The following WSCD2 variants were observed in gnomAD, a reference collection of about 807,000 sequenced individuals.
WSCD2 encodes sialate:O-sulfotransferase 2.
Under a neutral mutation model 55.7 loss-of-function variants are expected in WSCD2, and 28 were observed. That is an observed-to-expected ratio of 0.50 (90% CI 0.37 to 0.69). The LOEUF (loss-of-function observed/expected upper bound fraction) is 0.69. Among genes scored for constraint, WSCD2 ranks in the 30% least tolerant of loss-of-function variants. The probability of loss-of-function intolerance (pLI) is 0.00; values close to 1 mark genes in which losing one functional copy is unlikely to be tolerated. For synonymous variants in WSCD2, 301 were observed against 301.9 expected (o/e 1.00, Z 0.03); for missense variants, 616 against 762.1 (o/e 0.81, Z 2.26).
At chr12:108,134,882 G>C (rs556300882) in intron 1 of WSCD2, among the ~76,000 whole-genome samples, 105 of 152,306 alleles carry the variant, frequency 6.9e-4, no homozygotes, top group Admixed American at 3.1e-3. Flanking sequence ...AGGTGACACA[G>C]CTCAGAAGCC....
In WSCD2 at chr12:108,248,671, A is replaced by G. The variant is rs1890258004; in HGVS notation, c.*328A>G. ...CATTTGTGGGAGGGAGGGCTCATCCACATCATGGAGACTTGCTGGATGCCC... is the reference window on the plus strand; with the variant it reads ...CATTTGTGGGAGGGAGGGCTCATCCGCATCATGGAGACTTGCTGGATGCCC... On this transcript the variant is annotated 3_prime_UTR_variant, in exon 9 of 9. Transcript: ENST00000547525. This position sits in a 1 kb window ranked among gnomAD's most constrained non-coding sequence, Gnocchi z 4.3. 9.3e-7 allele frequency: 1 copy of G among 1,077,414 alleles called. No homozygotes were observed. The highest frequency in any genetic ancestry group is 4.7e-5 in the Admixed American group (1 of 21,420). 66.7% of individuals were successfully genotyped at this position (1,077,414 alleles called of 1,614,324 possible). A position where few individuals can be genotyped will look rare whatever the true frequency, so the allele number is the denominator to read the frequency against.
At chr12:108,170,641 A>G (rs1880141948) in intron 1 of WSCD2, among the ~76,000 whole-genome samples, 1 of 152,218 alleles carries the variant, frequency 6.6e-6, no homozygotes, top group African/African-American at 2.4e-5. Context: ...CTATCTATAA[A>G]ATGGAAATAA....
intron 1 of WSCD2, among the ~76,000 whole-genome samples, chr12:108,165,831 T>A (rs1296043264): frequency 1.3e-5 from 2 of 152,222 alleles, no homozygotes; most frequent in Non-Finnish European, 2.9e-5. Flanking sequence ...TAGAGGTTAA[T>A]CACTACAAAC....
At chr12:108,136,756 C>T (rs770845614) in intron 1 of WSCD2, among the ~76,000 whole-genome samples, 39 of 150,540 alleles carry the variant, frequency 2.6e-4, no homozygotes, top group African/African-American at 7.7e-4. Flanking sequence ...GCTGCCTCCC[C>T]GCTCTGTCTT....
chr12:108,232,671 T>C, intron 6 of WSCD2, 60 bp from the exon 7 acceptor site: 1 of 1,518,716 alleles, frequency 6.6e-7, no homozygotes, highest in Non-Finnish European at 8.9e-7. Context: ...ACCCTGGCCC[T>C]TTCAGACAGG....
chr12:108,190,061 TAA>T (rs1470561717), intron 1 of WSCD2, among the ~76,000 whole-genome samples: 1 of 152,184 alleles, frequency 6.6e-6, no homozygotes, highest in Non-Finnish European at 1.5e-5. Flanking sequence ...ACGCTAACCC[TAA>T]GAGATAAATT....
intron 1 of WSCD2, among the ~76,000 whole-genome samples, chr12:108,155,722 T>C (rs1202571011): frequency 6.6e-6 from 1 of 152,194 alleles, no homozygotes; most frequent in Non-Finnish European, 1.5e-5. Flanking sequence ...CTCTGTAAGT[T>C]TGTGGTGAGA....
intron 1 of WSCD2, among the ~76,000 whole-genome samples, chr12:108,150,601 G>A (rs905891034): frequency 6.6e-6 from 1 of 152,174 alleles, no homozygotes; most frequent in Admixed American, 6.5e-5. Context: ...CCTGGCCGGA[G>A]CACAGAAGCA....
intron 1 of WSCD2, among the ~76,000 whole-genome samples, chr12:108,136,884 G>A (rs1876282265): frequency 3.9e-5 from 6 of 152,178 alleles, no homozygotes; most frequent in Admixed American, 3.3e-4. Flanking sequence ...ATCCCCACAG[G>A]CCTGAGGATA....
chr12:108,244,419 A>C, intron 8 of WSCD2: 1 of 683,466 alleles, frequency 1.5e-6, no homozygotes, highest in South Asian at 1.5e-5. Context: ...GTTTGGACTA[A>C]AATGATGGAG....
intron 1 of WSCD2, among the ~76,000 whole-genome samples, chr12:108,193,681 A>G (rs1414727196): frequency 1.3e-5 from 2 of 151,814 alleles, no homozygotes; most frequent in Admixed American, 1.3e-4. Flanking sequence ...GATGACAGAC[A>G]GATGAATGGT....
At chr12:108,207,422 T>G (rs1385666745) in intron 3 of WSCD2, among the ~76,000 whole-genome samples, 1 of 151,484 alleles carries the variant, frequency 6.6e-6, no homozygotes, top group African/African-American at 2.4e-5. Context: ...CAGGCTGGAG[T>G]GCAGTGGCAT....
rs1269556485 is a variant in WSCD2 at position 108,248,072 on chromosome 12, T to A, written c.1427T>A (p.Leu476Gln). The A allele has an allele frequency of 1.2e-6, 2 of 1,614,202 alleles. No individual in the cohort carries two copies. The highest frequency in any genetic ancestry group is 1.7e-6 in the Non-Finnish European group (2 of 1,180,036). The change falls in exon 9 of 9, where the codon CTG becomes CAG. Residue 476 changes from leucine to glutamine, a missense_variant. By Grantham distance (113) the Leu-to-Gln change is moderately radical (BLOSUM62 -2). Transcript: ENST00000547525. This position sits in a 1 kb window ranked among gnomAD's most constrained non-coding sequence, Gnocchi z 4.3. ...LDWLKFGKKVLVVHFEDLKQD... is the reference protein window; with the variant it reads ...LDWLKFGKKVQVVHFEDLKQD... The stretch of plus-strand genomic sequence containing the variant: ...TGGCTCAAGTTTGGCAAGAAGGTGC[T>A]GGTGGTGCACTTTGAGGACCTGAAG...
chr12:108,149,959 A>G (rs1211031632), intron 1 of WSCD2: 4 of 152,202 alleles, frequency 2.6e-5, no homozygotes, highest in Non-Finnish European at 4.4e-5. Flanking sequence ...AGGTCCAGTG[A>G]GGTCGGGCAA....
intron 8 of WSCD2, among the ~76,000 whole-genome samples, chr12:108,241,009 G>GC (rs1231440609): frequency 6.6e-6 from 1 of 152,210 alleles, no homozygotes; most frequent in Non-Finnish European, 1.5e-5. Flanking sequence ...ATTGATGGAA[G>GC]CAGGTTAAAG....
chr12:108,179,212 C>T (rs535956196), intron 1 of WSCD2, among the ~76,000 whole-genome samples: 13 of 146,764 alleles, frequency 8.9e-5, no homozygotes, highest in African/African-American at 2.7e-4. Flanking sequence ...TAGAAATGCA[C>T]GTTTTCAGGC....
At chr12:108,146,503 A>G (rs1330134644) in intron 1 of WSCD2, among the ~76,000 whole-genome samples, 1 of 152,270 alleles carries the variant, frequency 6.6e-6, no homozygotes, top group African/African-American at 2.4e-5. Flanking sequence ...AGTATTTTTA[A>G]AAGAAAATAC....
chr12:108,236,096 C>T (rs1236521020), intron 7 of WSCD2, among the ~76,000 whole-genome samples: 8 of 152,212 alleles, frequency 5.3e-5, no homozygotes, highest in Admixed American at 2.0e-4. Context: ...GAGATTTGCA[C>T]GTGCTATCAT....
chr12:108,173,828 G>C (rs929073659), intron 1 of WSCD2, among the ~76,000 whole-genome samples: 30 of 151,080 alleles, frequency 2.0e-4, no homozygotes, highest in Middle Eastern at 3.2e-3. Flanking sequence ...GTGTGTGTGT[G>C]TGTGTGTGTG....
Sources: gnomAD v4.1 joint callset for allele counts (sites outside exome capture counted in the v4.1 genomes callset) on GRCh38, gnomAD v4.1.1 for gene constraint, Gnocchi (gnomAD v3.1) non-coding constraint, MANE v1.5 for transcripts, NCBI Gene and HGNC (gene_info 2026-07-23, HGNC 2026-07-21) for gene names.